GPM6A: variants seen among roughly 807,000 people sequenced by gnomAD.
The protein encoded by GPM6A is glycoprotein M6A, also known as neuronal membrane glycoprotein M6-a.
Under a neutral mutation model 32.1 loss-of-function variants are expected in GPM6A, and 7 were observed. The observed-to-expected ratio is 0.22, with a 90% CI of 0.12 to 0.41. The LOEUF is 0.41. GPM6A is among the 10% of genes least tolerant of loss of function. The pLI is 1.00. For missense variants in GPM6A, 235 were observed against 347.2 expected (o/e 0.68, Z 2.57); for synonymous variants, 130 against 123.4 (o/e 1.05, Z -0.35).
At chr4:175,839,763 T>C (rs1328235842) in intron 1 of GPM6A, among the ~76,000 whole-genome samples, 2 of 152,174 alleles carry the variant, frequency 1.3e-5, no homozygotes, top group Non-Finnish European at 2.9e-5. Flanking sequence ...CATTGTTAAT[T>C]CCCATTTAGC....
chr4:175,641,071 C>T (rs992343689), intron 4 of GPM6A: 1 of 472,552 alleles, frequency 2.1e-6, no homozygotes, highest in Non-Finnish European at 3.8e-6. Flanking sequence ...TCAATTGAAT[C>T]TCACCACCAG....
intron 3 of GPM6A, among the ~76,000 whole-genome samples, chr4:175,653,279 A>T (rs1413339859): frequency 1.3e-5 from 2 of 152,130 alleles, no homozygotes; most frequent in African/African-American, 4.8e-5. Context: ...ATATAAAGAG[A>T]GGCAGGAGAT....
chr4:175,970,919 C>T (rs1341476953), intron 1 of GPM6A: 1 of 456,086 alleles, frequency 2.2e-6, no homozygotes, highest in Non-Finnish European at 4.4e-6. Flanking sequence ...TTTTTCCCAA[C>T]TGAAGAACAC....
Position 175,640,747 on chromosome 4 carries a change from A to G in GPM6A, c.618+6T>C, listed in dbSNP as rs770609300. On this transcript the variant is annotated splice_donor_region_variant and intron_variant, in intron 5 of 6. Transcript: ENST00000393658. ...TGACAAAATTAAAGGCTGTAAAAAC[A>G]CTCACCTCAGTAGATTCGCACATCC... 2 of 1,583,766 alleles carry G rather than the reference A, an allele frequency of 1.3e-6. No individual in the cohort carries two copies. The highest frequency in any genetic ancestry group is 2.2e-5 in the South Asian group (2 of 90,276).
chr4:175,768,700 TCAC>T (rs758193474), intron 1 of GPM6A, among the ~76,000 whole-genome samples: 36 of 152,282 alleles, frequency 2.4e-4, no homozygotes, highest in Admixed American at 7.2e-4. Flanking sequence ...TTCACATGTA[TCAC>T]CAAAGTTGAA....
rs1291464964 is a variant in GPM6A, at chr4:175,634,771, C to T, written c.*134G>A. ...GTGCTAAACAACAAAGAATTGTACTCAGGTGATTCATAAGTCACCTTACAT... is the reference window on the plus strand; with the variant it reads ...GTGCTAAACAACAAAGAATTGTACTTAGGTGATTCATAAGTCACCTTACAT... On this transcript the variant is annotated 3_prime_UTR_variant, in exon 7 of 7. Coordinates refer to ENST00000393658, the MANE Select transcript of GPM6A (RefSeq NM_201591.3). The T allele has an allele frequency of 2.2e-5, 14 of 636,542 alleles. No homozygotes were observed. The South Asian group carries it at 2.7e-4, about 12-fold the overall frequency. 39.4% of individuals were successfully genotyped at this position (636,542 alleles called of 1,614,324 possible). A position where few individuals can be genotyped will look rare whatever the true frequency, so the allele number is the denominator to read the frequency against.
chr4:175,878,209 T>C (rs1322082835), intron 1 of GPM6A, among the ~76,000 whole-genome samples: 1 of 152,166 alleles, frequency 6.6e-6, no homozygotes, highest in Non-Finnish European at 1.5e-5. Context: ...TCCAGGTACA[T>C]GGTACAAGCC....
chr4:175,921,327 A>T (rs1189887442), intron 1 of GPM6A, among the ~76,000 whole-genome samples: 4 of 152,218 alleles, frequency 2.6e-5, no homozygotes, highest in Non-Finnish European at 5.9e-5. Context: ...AAATTCACTT[A>T]AATGTCAAAT....
At chr4:175,838,678 A>G (rs1299354175) in intron 1 of GPM6A, among the ~76,000 whole-genome samples, 4 of 100,866 alleles carry the variant, frequency 4.0e-5, no homozygotes, top group Non-Finnish European at 7.4e-5. Flanking sequence ...TTTTTGAGAC[A>G]GGGTCTTGTT....
intron 1 of GPM6A, among the ~76,000 whole-genome samples, chr4:175,970,677 G>A (rs954857951): frequency 2.0e-5 from 3 of 152,186 alleles, no homozygotes; most frequent in Non-Finnish European, 2.9e-5. Context: ...AAAAGGAAAA[G>A]GGAGAAGGGA....
intron 1 of GPM6A, among the ~76,000 whole-genome samples, chr4:175,818,810 G>C (rs141572135): frequency 7.4e-4 from 112 of 152,254 alleles, no homozygotes; most frequent in African/African-American, 2.4e-3. Flanking sequence ...ACGATAATGA[G>C]ATATTTCAAA....
intron 1 of GPM6A, among the ~76,000 whole-genome samples, chr4:175,911,298 T>TA (rs900065780): frequency 2.6e-5 from 4 of 152,004 alleles, no homozygotes; most frequent in Non-Finnish European, 5.9e-5. Flanking sequence ...AATATACACT[T>TA]AAAAAAATCC....
chr4:175,685,518 A>G (rs1560874157), intron 2 of GPM6A, among the ~76,000 whole-genome samples: 1 of 152,120 alleles, frequency 6.6e-6, no homozygotes, highest in Non-Finnish European at 1.5e-5. Flanking sequence ...TGATTTTTAC[A>G]TGTAAATTTT....
chr4:175,986,292 T>A (rs1012156531), intron 1 of GPM6A, among the ~76,000 whole-genome samples: 2 of 152,116 alleles, frequency 1.3e-5, no homozygotes, highest in Admixed American at 6.6e-5. Context: ...TCCAGCACTG[T>A]GGGAGGTCAA....
intron 1 of GPM6A, among the ~76,000 whole-genome samples, chr4:175,765,824 C>T (rs1338724746): frequency 6.6e-6 from 1 of 152,166 alleles, no homozygotes; most frequent in Non-Finnish European, 1.5e-5. Context: ...CAACCTTTTT[C>T]ACATCTTATC....
At chr4:175,681,622 C>T (rs569483123) in intron 2 of GPM6A, among the ~76,000 whole-genome samples, 9 of 152,002 alleles carry the variant, frequency 5.9e-5, no homozygotes, top group Non-Finnish European at 1.3e-4. Flanking sequence ...TGGCTCGGTG[C>T]TAACTTAAGA....
chr4:175,648,394 GA>G (rs1741596618), intron 4 of GPM6A, among the ~76,000 whole-genome samples: 1 of 152,190 alleles, frequency 6.6e-6, no homozygotes, highest in African/African-American at 2.4e-5. Flanking sequence ...TTGTCAGGGA[GA>G]GGCAACTTTG....
chr4:175,787,026 T>G (rs1183598260), intron 1 of GPM6A: 1 of 271,210 alleles, frequency 3.7e-6, no homozygotes, highest in Non-Finnish European at 6.9e-6. Context: ...CCTCTGTGAA[T>G]TTTCCTTTAG....
At chr4:175,925,751 T>C (rs1260456140) in intron 1 of GPM6A, among the ~76,000 whole-genome samples, 1 of 152,148 alleles carries the variant, frequency 6.6e-6, no homozygotes, top group Non-Finnish European at 1.5e-5. Flanking sequence ...AATATTGTAC[T>C]AATATTGTAG....
Sources: gnomAD v4.1 joint callset for allele counts (sites outside exome capture counted in the v4.1 genomes callset) on GRCh38, gnomAD v4.1.1 for gene constraint, MANE v1.5 for transcripts, NCBI Gene and HGNC (gene_info 2026-07-23, HGNC 2026-07-21) for gene names.